NBEAL1: variants seen among roughly 807,000 people sequenced by gnomAD.
NBEAL1 encodes neurobeachin like 1, also known as neurobeachin-like protein 1.
NBEAL1 carries 273 observed loss-of-function variants against 351.3 expected under a neutral mutation model. The observed-to-expected ratio is 0.78, with a 90% CI of 0.70 to 0.86. NBEAL1 has a LOEUF of 0.86. Ranked by LOEUF, NBEAL1 falls within the 40% of genes least tolerant of loss-of-function variation. The pLI is 0.00. For missense variants in NBEAL1, 2,961 were observed against 3,201.3 expected (o/e 0.92, Z 1.81); for synonymous variants, 1,050 against 1,086.4 (o/e 0.97, Z 0.66).
chr2:203,160,225 A>T (rs1260818236), intron 36 of NBEAL1, among the ~76,000 whole-genome samples: 3 of 151,836 alleles, frequency 2.0e-5, no homozygotes, highest in Admixed American at 6.6e-5. Flanking sequence ...GATTACAGGC[A>T]TCTGCCACCA....
At chr2:203,048,380 C>CAA (rs56116456) in intron 3 of NBEAL1, among the ~76,000 whole-genome samples, 8 of 117,022 alleles carry the variant, frequency 6.8e-5, no homozygotes, top group East Asian at 5.0e-4. Context: ...GACTCCATCT[C>CAA]AAAAAAAAAA....
chr2:203,154,601 A>G (rs2063749236), intron 35 of NBEAL1, among the ~76,000 whole-genome samples: 2 of 152,164 alleles, frequency 1.3e-5, no homozygotes, highest in African/African-American at 4.8e-5. Flanking sequence ...CATGATTTAA[A>G]ATATTATTTT....
rs746800533 is a variant in NBEAL1, at chr2:203,041,046, A to T, written c.52-719A>T. The T allele has an allele frequency of 1.4e-4, 30 of 217,298 alleles. 1 individual carries two copies. The highest frequency in any genetic ancestry group is 2.6e-4 in the Non-Finnish European group (28 of 108,466). 13.5% of individuals were successfully genotyped at this position (217,298 alleles called of 1,614,324 possible). ...GGTTAAAATATAGTGGCTTATGTTCATGGCAAGCACCTCTCATCACAGTCC... is the reference window on the plus strand; with the variant it reads ...GGTTAAAATATAGTGGCTTATGTTCTTGGCAAGCACCTCTCATCACAGTCC... On this transcript the variant is annotated intron_variant, in intron 2 of 55. Coordinates refer to ENST00000683969, the MANE Select transcript of NBEAL1 (RefSeq NM_001378026.1).
chr2:203,057,752 A>T (rs1574909057), intron 6 of NBEAL1, among the ~76,000 whole-genome samples: 1 of 151,618 alleles, frequency 6.6e-6, no homozygotes, highest in Non-Finnish European at 1.5e-5. Context: ...AAGAAAAGTT[A>T]TTTTTTAAAA....
At chr2:203,174,262 G>T (rs969481260) in intron 41 of NBEAL1, among the ~76,000 whole-genome samples, 7 of 109,646 alleles carry the variant, frequency 6.4e-5, no homozygotes, top group Non-Finnish European at 1.1e-4. Context: ...AACAATCTAA[G>T]TGTCTAAAAA....
chr2:203,084,676 G>C, intron 10 of NBEAL1, 107 bp downstream of exon 10: 1 of 534,790 alleles, frequency 1.9e-6, no homozygotes, highest in Admixed American at 4.2e-5. Flanking sequence ...CTTAATCTCT[G>C]TTTGCATTTA....
intron 55 of NBEAL1, among the ~76,000 whole-genome samples, chr2:203,214,278 G>C (rs1394925795): frequency 6.6e-6 from 1 of 152,124 alleles, no homozygotes; most frequent in Non-Finnish European, 1.5e-5. Context: ...ATTTTTTTAA[G>C]TCACTGTTGG....
Position 203,014,905 on chromosome 2 carries a change from A to T in NBEAL1, c.-307A>T, listed in dbSNP as rs1300512991. The T allele has an allele frequency of 6.6e-6, 1 of 152,426 alleles. No homozygotes were observed. Among genetic ancestry groups the T allele is most frequent in the African/African-American group, 2.4e-5 (1 of 41,452 alleles). 9.4% of individuals were successfully genotyped at this position (152,426 alleles called of 1,614,324 possible). A position where few individuals can be genotyped will look rare whatever the true frequency, so the allele number is the denominator to read the frequency against. ...CTCGTCTGCCTGGCTGCGGGGTGAC[A>T]CGGGGCTTCGCCTTGGGAAGGGGTC... On this transcript the variant is annotated 5_prime_UTR_variant, in exon 1 of 56. Coordinates refer to ENST00000683969, the MANE Select transcript of NBEAL1 (RefSeq NM_001378026.1).
intron 2 of NBEAL1, among the ~76,000 whole-genome samples, chr2:203,039,283 TTCGCTTC>T: frequency 3.1e-5 from 1 of 32,174 alleles, no homozygotes; most frequent in Non-Finnish European, 6.0e-5. Flanking sequence ...TCCCTTCCCT[TTCGCTTC>T]CCCTCCCCCT....
In NBEAL1 at chr2:203,192,906, A is replaced by G. The variant is rs1421633699; in HGVS notation, c.6922-889A>G. On this transcript the variant is annotated intron_variant, in intron 46 of 55. Transcript: ENST00000683969. ...GAGGAAGAACAAAATTTACTTGAAA[A>G]GTATGCAGCAGTACCTATAATTTGA... Among the ~76,000 whole-genome samples, 5 of 151,462 alleles carry G rather than the reference A, an allele frequency of 3.3e-5. No individual in the cohort carries two copies. In the East Asian group the frequency reaches 9.7e-4, roughly 29 times the overall value.
chr2:203,059,572 C>T lies in NBEAL1; in HGVS notation c.515+2119C>T, dbSNP rs79762794. Among the ~76,000 whole-genome samples, 335 of 152,342 alleles carry T rather than the reference C, an allele frequency of 2.2e-3. 7 individuals carry two copies. In the East Asian group the frequency reaches 0.054, roughly 25 times the overall value. On this transcript the variant is annotated intron_variant, in intron 6 of 55. Coordinates refer to ENST00000683969, the MANE Select transcript of NBEAL1 (RefSeq NM_001378026.1). Reference sequence around the variant, plus strand: ...TGACACATGTCATTTTCATTCTGAACTCATTGTCCAGAACTGTGATTACAT... The same window carrying T: ...TGACACATGTCATTTTCATTCTGAATTCATTGTCCAGAACTGTGATTACAT...
chr2:203,212,033 C>T lies in NBEAL1; in HGVS notation c.7934+927C>T, dbSNP rs554001221. Among the ~76,000 whole-genome samples the T allele has an allele frequency of 8.6e-5, 13 of 152,022 alleles. No individual in the cohort carries two copies. The South Asian group carries it at 2.3e-3, about 27-fold the overall frequency. ...TCCACGTCAGCTGGGAATATAGGTG[C>T]GTGCCATCGTGCCCAGCTAATTTTT... is the stretch of plus-strand genomic sequence containing the variant. On this transcript the variant is annotated intron_variant, in intron 54 of 55. Coordinates refer to ENST00000683969, the MANE Select transcript of NBEAL1 (RefSeq NM_001378026.1).
At chr2:203,118,428 T>C (rs2062748639) in intron 18 of NBEAL1, among the ~76,000 whole-genome samples, 2 of 152,200 alleles carry the variant, frequency 1.3e-5, no homozygotes, top group South Asian at 4.1e-4. Context: ...TAACTTCTTT[T>C]TCCCAAAGAT....
chr2:203,126,938 T>C lies in NBEAL1; in HGVS notation c.3248+12T>C. ...AGGATTTATTATGGGTATGATGCCC[T>C]TGTTCTTTCTCAGTTTGATATATTA... On this transcript the variant is annotated intron_variant, in intron 23 of 55. Transcript: ENST00000683969. 1 of 1,490,778 alleles carries C rather than the reference T, an allele frequency of 6.7e-7. No homozygotes were observed. Among genetic ancestry groups the C allele is most frequent in the Non-Finnish European group, 9.1e-7 (1 of 1,093,924 alleles). 92.3% of individuals were successfully genotyped at this position (1,490,778 alleles called of 1,614,324 possible).
At chr2:203,164,796 A>G (rs563231433) in intron 36 of NBEAL1, among the ~76,000 whole-genome samples, 13 of 152,116 alleles carry the variant, frequency 8.5e-5, no homozygotes, top group Admixed American at 5.2e-4. Flanking sequence ...CTAGGACCAG[A>G]GAGTTAGCTG....
At position 203,217,998 on chromosome 2, in the gene NBEAL1, T is replaced by TA; in HGVS notation, c.*645dup. The TA allele has an allele frequency of 1.2e-6, 1 of 823,566 alleles. No individual in the cohort carries two copies. The highest frequency in any genetic ancestry group is 1.8e-5 in the African/African-American group (1 of 54,068). The allele number at this position is 823,566 out of a possible 1,614,324, so 51.0% of individuals were successfully genotyped here. ...GAGTAGAAAAAAGTGGAACTAGAGATACATTTTACAGATGTATTTCCTTAA... is the reference window on the plus strand; with the variant it reads ...GAGTAGAAAAAAGTGGAACTAGAGATAACATTTTACAGATGTATTTCCTTAA... On this transcript the variant is annotated 3_prime_UTR_variant, in exon 56 of 56. Coordinates refer to ENST00000683969, the MANE Select transcript of NBEAL1 (RefSeq NM_001378026.1).
At chr2:203,180,653 C>A in intron 43 of NBEAL1, 141 bp downstream of exon 43, 1 of 792,598 alleles carries the variant, frequency 1.3e-6, no homozygotes, top group Non-Finnish European at 1.9e-6. Flanking sequence ...CAGGGCTGAA[C>A]TAATGCTATG....
At chr2:203,074,564 G>C (rs1002448722) in intron 7 of NBEAL1, 9 of 152,200 alleles carry the variant, frequency 5.9e-5, no homozygotes, top group African/African-American at 2.2e-4. Context: ...CTGGCCGCAA[G>C]TGAGCCACCC....
At position 203,209,297 on chromosome 2, in the gene NBEAL1, G is replaced by T. The variant is rs145550746; in HGVS notation, c.7760G>T (p.Ser2587Ile). The change falls in exon 53 of 56, where the codon AGC (serine) becomes ATC (isoleucine). Residue 2587 changes from serine to isoleucine, a missense_variant. Ser to Ile is a moderately radical substitution (Grantham distance 142). Coordinates refer to ENST00000683969, the MANE Select transcript of NBEAL1 (RefSeq NM_001378026.1). ...GAAGGACATATTGTTGTCTACTCCAGCACTGAAGAAAAGACCACCCTCAAG... is the reference window on the plus strand; with the variant it reads ...GAAGGACATATTGTTGTCTACTCCATCACTGAAGAAAAGACCACCCTCAAG... ...SWEGHIVVYS[S>I]TEEKTTLKDK... The T allele has an allele frequency of 2.5e-6, 4 of 1,613,686 alleles. No individual in the cohort carries two copies. Among genetic ancestry groups the T allele is most frequent in the Non-Finnish European group, 3.4e-6 (4 of 1,179,840 alleles).
Sources: gnomAD v4.1 joint callset for allele counts (sites outside exome capture counted in the v4.1 genomes callset) on GRCh38, gnomAD v4.1.1 for gene constraint, MANE v1.5 for transcripts, NCBI Gene and HGNC (gene_info 2026-07-23, HGNC 2026-07-21) for gene names.